RYR3: variants seen among roughly 807,000 people sequenced by gnomAD.
RYR3 encodes brain ryanodine receptor-calcium release channel.
RYR3 carries 207 observed loss-of-function variants against 584.3 expected under a neutral mutation model. The observed-to-expected ratio is 0.35, with a 90% confidence interval of 0.32 to 0.40. The LOEUF is 0.40. RYR3 is among the 10% of genes least tolerant of loss of function. The pLI, the probability that RYR3 is intolerant of heterozygous loss-of-function variation, is 1.00. For missense variants in RYR3, 5,616 were observed against 6,089.2 expected (o/e 0.92, Z 2.59); for synonymous variants, 2,416 against 2,248.5 (o/e 1.07, Z -2.11).
intron 10 of RYR3, among the ~76,000 whole-genome samples, chr15:33,551,982 T>C (rs903158255): frequency 6.6e-6 from 1 of 152,190 alleles, no homozygotes; most frequent in African/African-American, 2.4e-5. Context: ...TCATCGTGGC[T>C]AATGACCAAG....
At position 33,411,116 on chromosome 15, in the gene RYR3, C is replaced by T. The variant is rs182200009; in HGVS notation, c.52-62303C>T. Among the ~76,000 whole-genome samples the T allele has an allele frequency of 1.2e-3, 185 of 152,240 alleles. 1 individual carries two copies. Among genetic ancestry groups the T allele is most frequent in the African/African-American group, 4.2e-3 (176 of 41,538 alleles). The stretch of plus-strand genomic sequence containing the variant: ...CAGACCAACCCTATCAGCCACCCTC[C>T]CTCCTTGGCTGAGAAGCTGGCTTCT... On this transcript the variant is annotated intron_variant, in intron 1 of 103. Transcript: ENST00000634891.
At chr15:33,481,616 G>T (rs1485039882) in intron 2 of RYR3, among the ~76,000 whole-genome samples, 1 of 152,024 alleles carries the variant, frequency 6.6e-6, no homozygotes, top group African/African-American at 2.4e-5. Flanking sequence ...AAGTAGCTGG[G>T]ATTACAGGCA....
intron 27 of RYR3, among the ~76,000 whole-genome samples, chr15:33,636,839 C>T (rs1175486331): frequency 1.3e-5 from 2 of 152,146 alleles, no homozygotes; most frequent in African/African-American, 4.8e-5. Context: ...TCCAGGTTTC[C>T]CAGTATTACA....
In RYR3 at chr15:33,623,942, T is replaced by C; in HGVS notation, c.2493T>C (p.Ala831=). The C allele has an allele frequency of 1.2e-6, 2 of 1,614,024 alleles. No homozygotes were observed. The highest frequency in any genetic ancestry group is 1.7e-6 in the Non-Finnish European group (2 of 1,179,864). Residue 831 remains alanine, a synonymous_variant, in exon 20 of 104, where the codon GCT becomes GCC. Coordinates refer to ENST00000634891, the MANE Select transcript of RYR3 (RefSeq NM_001036.6). ...LEPVKEYKRD[A]DGIRDLLGTT... ...CTGTCAAAGAATATAAACGTGATGC[T>C]GATGGCATTAGAGATCTCTTGGGTA...
At chr15:33,746,386 G>C (rs1343818351) in intron 53 of RYR3, among the ~76,000 whole-genome samples, 1 of 152,230 alleles carries the variant, frequency 6.6e-6, no homozygotes, top group Non-Finnish European at 1.5e-5. Flanking sequence ...GGTGAAAGAA[G>C]CATTGTTCAG....
rs1458989649 is a variant in RYR3, at chr15:33,816,897, A to G, written c.10538A>G (p.Gln3513Arg). The change falls in exon 75 of 104, where the codon CAG becomes CGG. Residue 3513 changes from glutamine (Q) to arginine (R), a missense_variant. This residue lies in a region of RYR3 where 954 missense variants were observed against 1,132.2 expected (regional missense o/e 0.84). Transcript: ENST00000634891. ...ATTAACCTCTTCCTCCATGGCTATC[A>G]GAGATTTTGGATAGAAACAGAGGAG... ...RSINLFLHGY[Q>R]RFWIETEEYS... 1 of 1,612,604 alleles carries G rather than the reference A, an allele frequency of 6.2e-7. No homozygotes were observed. The highest frequency in any genetic ancestry group is 8.5e-7 in the Non-Finnish European group (1 of 1,179,166).
chr15:33,808,850 A>G (rs897778850), intron 70 of RYR3, among the ~76,000 whole-genome samples: 1 of 151,906 alleles, frequency 6.6e-6, no homozygotes, highest in African/African-American at 2.4e-5. Flanking sequence ...TGCCCCTCCC[A>G]CTGCTGTCCA....
chr15:33,447,952 T>C (rs568873229), intron 1 of RYR3, among the ~76,000 whole-genome samples: 1 of 152,238 alleles, frequency 6.6e-6, no homozygotes, highest in Non-Finnish European at 1.5e-5. Context: ...GTCCCCCAAA[T>C]TGGAAAGTAG....
At chr15:33,839,350 A>T (rs1482764519) in intron 89 of RYR3, among the ~76,000 whole-genome samples, 1 of 152,242 alleles carries the variant, frequency 6.6e-6, no homozygotes, top group Non-Finnish European at 1.5e-5. Context: ...TCAGTGTCAT[A>T]AAAGGTCAAA....
At chr15:33,646,933 C>T (rs2062136349) in intron 29 of RYR3, among the ~76,000 whole-genome samples, 1 of 152,210 alleles carries the variant, frequency 6.6e-6, no homozygotes, top group African/African-American at 2.4e-5. Context: ...TCCAACTCTG[C>T]AGCTGTGTGA....
chr15:33,461,749 A>G (rs1454451142), intron 1 of RYR3, among the ~76,000 whole-genome samples: 1 of 152,230 alleles, frequency 6.6e-6, no homozygotes, highest in Non-Finnish European at 1.5e-5. Context: ...GAAATAGCCC[A>G]AACATCCGTG....
intron 16 of RYR3, among the ~76,000 whole-genome samples, chr15:33,596,208 CT>C (rs976211915): frequency 1.9e-4 from 28 of 150,674 alleles, no homozygotes; most frequent in African/African-American, 6.6e-4. Flanking sequence ...TAAGGACACA[CT>C]TTTTTTTTCT....
chr15:33,544,541 A>G (rs1238469251), intron 8 of RYR3, among the ~76,000 whole-genome samples: 2 of 152,186 alleles, frequency 1.3e-5, no homozygotes, highest in Non-Finnish European at 1.5e-5. Context: ...CTCCTGCCAC[A>G]GGTCACACAC....
In RYR3 at chr15:33,727,819, C is replaced by G. The variant is rs1190152294; in HGVS notation, c.7034-1038C>G. ...TATAGCGTGCTCATTTGGGGGTCCTCTTTCCTAGTTTTTAGTGTCAACAAA... is the reference window on the plus strand; with the variant it reads ...TATAGCGTGCTCATTTGGGGGTCCTGTTTCCTAGTTTTTAGTGTCAACAAA... On this transcript the variant is annotated intron_variant, in intron 46 of 103. Transcript: ENST00000634891. 2.6e-5 allele frequency among the ~76,000 whole-genome samples: 4 copies of G among 152,200 alleles called. No individual in the cohort carries two copies. The East Asian group carries it at 7.7e-4, about 29-fold the overall frequency.
At chr15:33,864,407 A>T (rs568500871) in intron 103 of RYR3, among the ~76,000 whole-genome samples, 2 of 152,366 alleles carry the variant, frequency 1.3e-5, no homozygotes. Context: ...CTACTGCTTC[A>T]GACTAGAAGA....
At chr15:33,584,737 G>A (rs116594412) in intron 15 of RYR3, among the ~76,000 whole-genome samples, 1,995 of 151,666 alleles carry the variant, frequency 0.013, 33 homozygotes, top group African/African-American at 0.044. Context: ...TTGTTATTCC[G>A]TGCCTTCATT....
At chr15:33,716,522 C>T (rs539450939) in intron 43 of RYR3, among the ~76,000 whole-genome samples, 1 of 152,268 alleles carries the variant, frequency 6.6e-6, no homozygotes, top group Admixed American at 6.5e-5. Context: ...AGTGAAACAG[C>T]ATCAAAGTCC....
At chr15:33,455,737 T>C (rs538452393) in intron 1 of RYR3, among the ~76,000 whole-genome samples, 27 of 152,280 alleles carry the variant, frequency 1.8e-4, no homozygotes, top group Non-Finnish European at 3.5e-4. Flanking sequence ...ACTTGGTCTC[T>C]GGATATTGGT....
In RYR3 at chr15:33,429,243, G is replaced by A. The variant is rs543616137; in HGVS notation, c.52-44176G>A. Reference sequence around the variant, plus strand: ...AGGACTTAGGATTTTGTCTCCACTCGGTTATGAGCTGGTAGGGAAATTTGG... The same window carrying A: ...AGGACTTAGGATTTTGTCTCCACTCAGTTATGAGCTGGTAGGGAAATTTGG... On this transcript the variant is annotated intron_variant, in intron 1 of 103. Transcript: ENST00000634891. 3.8e-4 allele frequency among the ~76,000 whole-genome samples: 58 copies of A among 152,272 alleles called. 1 individual carries two copies. The highest frequency in any genetic ancestry group is 1.2e-3 in the South Asian group (6 of 4,822).
Sources: allele counts gnomAD v4.1 joint callset (sites outside exome capture counted in the v4.1 genomes callset), GRCh38; gene constraint gnomAD v4.1.1; regional missense constraint gnomAD v4.1.1; transcripts MANE v1.5; gene names NCBI Gene and HGNC (gene_info 2026-07-23, HGNC 2026-07-21).